The following TSPAN13 variants were observed in gnomAD, a reference collection of about 807,000 sequenced individuals.
TSPAN13 encodes the protein tetraspanin 13.
TSPAN13 carries 18 observed loss-of-function variants against 26.9 expected under a neutral mutation model. The ratio of observed to expected loss-of-function variants is 0.67; its 90% CI spans 0.46 to 0.99. The LOEUF is 0.99. Among genes scored for constraint, TSPAN13 ranks in the 50% least tolerant of loss-of-function variants. The probability of loss-of-function intolerance (pLI) is 0.00; values close to 1 mark genes in which losing one functional copy is unlikely to be tolerated. For missense variants in TSPAN13, 201 were observed against 249.6 expected (o/e 0.81, Z 1.31); for synonymous variants, 116 against 98.4 (o/e 1.18, Z -1.06).
rs1392265469 is a variant in TSPAN13, at chr7:16,784,142, T to C, written c.*651T>C. 1 of 152,658 alleles carries C rather than the reference T, an allele frequency of 6.6e-6. No individual in the cohort carries two copies. The allele number at this position is 152,658 out of a possible 1,614,324, so 9.5% of individuals were successfully genotyped here. On this transcript the variant is annotated 3_prime_UTR_variant, in exon 6 of 6. Coordinates refer to ENST00000262067, the MANE Select transcript of TSPAN13 (RefSeq NM_014399.4). ...GGAGAAGTGGTTTCATGAAATGTTCTAATGTATAATAACATTTACCTTCAG... is the reference window on the plus strand; with the variant it reads ...GGAGAAGTGGTTTCATGAAATGTTCCAATGTATAATAACATTTACCTTCAG...
chr7:16,761,253 G>A (rs953257946), intron 1 of TSPAN13, among the ~76,000 whole-genome samples: 2 of 152,178 alleles, frequency 1.3e-5, no homozygotes, highest in African/African-American at 4.8e-5. Context: ...GGCCTTCTGT[G>A]TCATTTGAAG....
At chr7:16,760,348 T>G (rs922954827) in intron 1 of TSPAN13, among the ~76,000 whole-genome samples, 2 of 152,246 alleles carry the variant, frequency 1.3e-5, no homozygotes, top group South Asian at 4.1e-4. Context: ...AAATAGATTC[T>G]GAGAGTGTTT....
intron 1 of TSPAN13, among the ~76,000 whole-genome samples, chr7:16,754,559 C>T (rs1784461084): frequency 6.6e-6 from 1 of 152,182 alleles, no homozygotes; most frequent in African/African-American, 2.4e-5. Flanking sequence ...ACAGGATGTC[C>T]GCTGCTTCCG....
chr7:16,779,052 G>A lies in TSPAN13; in HGVS notation c.476G>A (p.Gly159Glu). 3 of 1,614,166 alleles carry A rather than the reference G, an allele frequency of 1.9e-6. No individual in the cohort carries two copies. The highest frequency in any genetic ancestry group is 2.5e-6 in the Non-Finnish European group (3 of 1,180,010). ...HSCSPCAPIIGEYAGEVLRFV... is the reference protein window; with the variant it reads ...HSCSPCAPIIEEYAGEVLRFV... ...TGCTCGCCATGTGCTCCAATCATAGGAGAATATGCTGGAGAGGTTTTGAGA... is the reference window on the plus strand; with the variant it reads ...TGCTCGCCATGTGCTCCAATCATAGAAGAATATGCTGGAGAGGTTTTGAGA... The change falls in exon 5 of 6, where the codon GGA becomes GAA. Residue 159 changes from glycine (G) to glutamate (E), a missense_variant. Coordinates refer to ENST00000262067, the MANE Select transcript of TSPAN13 (RefSeq NM_014399.4).
rs1359878764 is a variant in TSPAN13 at position 16,777,141 on chromosome 7, CT to C, written c.312+21del. ...GCAACAGGTAAGCTAAGACTTTTTT[CT>C]TCTACTTTATTATACCACATAGCAT... On this transcript the variant is annotated intron_variant, in intron 3 of 5. Transcript: ENST00000262067. 1 of 1,577,242 alleles carries C rather than the reference CT, an allele frequency of 6.3e-7. No homozygotes were observed. The highest frequency in any genetic ancestry group is 8.7e-7 in the Non-Finnish European group (1 of 1,147,524).
intron 1 of TSPAN13, among the ~76,000 whole-genome samples, chr7:16,767,630 T>C (rs1400524060): frequency 1.3e-5 from 2 of 152,208 alleles, no homozygotes; most frequent in Admixed American, 6.5e-5. Context: ...TAATTTGTTA[T>C]ATAAAGTAGC....
intron 5 of TSPAN13, among the ~76,000 whole-genome samples, chr7:16,782,428 C>G (rs562226568): frequency 2.0e-5 from 3 of 152,072 alleles, no homozygotes; most frequent in Non-Finnish European, 2.9e-5. Flanking sequence ...AGTTGGCACA[C>G]GTATAAAGTG....
At chr7:16,772,496 G>A (rs1784691801) in intron 1 of TSPAN13, among the ~76,000 whole-genome samples, 1 of 152,104 alleles carries the variant, frequency 6.6e-6, no homozygotes, top group African/African-American at 2.4e-5. Context: ...TCCATTTTCT[G>A]GTGGCTGCTG....
At chr7:16,773,163 T>C (rs1784700414) in intron 1 of TSPAN13, among the ~76,000 whole-genome samples, 1 of 145,642 alleles carries the variant, frequency 6.9e-6, no homozygotes, top group African/African-American at 2.7e-5. Flanking sequence ...ATAAAAAATC[T>C]TGGGGGGGGG....
At chr7:16,782,518 T>C (rs1784824574) in intron 5 of TSPAN13, among the ~76,000 whole-genome samples, 1 of 152,234 alleles carries the variant, frequency 6.6e-6, no homozygotes, top group Non-Finnish European at 1.5e-5. Flanking sequence ...TTTTCATTTA[T>C]TTAAAATAAA....
intron 1 of TSPAN13, among the ~76,000 whole-genome samples, chr7:16,771,871 G>A (rs539269350): frequency 2.4e-4 from 36 of 152,262 alleles, no homozygotes; most frequent in South Asian, 2.1e-4. Context: ...GAATCAACTT[G>A]GTGAGGAATG....
intron 1 of TSPAN13, among the ~76,000 whole-genome samples, chr7:16,765,881 C>G (rs961798853): frequency 3.3e-5 from 5 of 152,098 alleles, no homozygotes; most frequent in African/African-American, 2.4e-5. Flanking sequence ...AGTGACAAAC[C>G]TAGGCTTTTT....
intron 1 of TSPAN13, among the ~76,000 whole-genome samples, chr7:16,772,500 GCTGCTGGCATT>G (rs994212183): frequency 7.2e-5 from 11 of 152,280 alleles, no homozygotes; most frequent in African/African-American, 2.6e-4. Context: ...TTTTCTGGTG[GCTGCTGGCATT>G]CCTTGTGGCT....
chr7:16,768,564 G>A (rs1162172094), intron 1 of TSPAN13, among the ~76,000 whole-genome samples: 1 of 152,148 alleles, frequency 6.6e-6, no homozygotes, highest in African/African-American at 2.4e-5. Flanking sequence ...CAGAGTAAAT[G>A]CCATGTCAGT....
chr7:16,758,406 T>C (rs2115320669), intron 1 of TSPAN13, among the ~76,000 whole-genome samples: 1 of 152,300 alleles, frequency 6.6e-6, no homozygotes, highest in East Asian at 1.9e-4. Flanking sequence ...AGTCGTCCCC[T>C]CATGAAGCTG....
intron 5 of TSPAN13, among the ~76,000 whole-genome samples, chr7:16,780,424 T>G (rs952510111): frequency 6.6e-6 from 1 of 152,148 alleles, no homozygotes; most frequent in African/African-American, 2.4e-5. Flanking sequence ...TTAAAGTTCC[T>G]TCTGACTTCC....
intron 1 of TSPAN13, among the ~76,000 whole-genome samples, chr7:16,755,090 C>T (rs976210882): frequency 1.3e-5 from 2 of 152,138 alleles, no homozygotes. Context: ...GTCATCATCC[C>T]TCCATAGTAG....
Position 16,768,015 on chromosome 7 carries a change from C to T in TSPAN13, c.64-8196C>T, listed in dbSNP as rs139622201. ...GCAACCTCCTCCTCCCAGGTTCAAG[C>T]GATTCTCCTGCCTCAGCCTCCCGAG... On this transcript the variant is annotated intron_variant, in intron 1 of 5. Transcript: ENST00000262067. Among the ~76,000 whole-genome samples, 879 of 152,262 alleles carry T rather than the reference C, an allele frequency of 5.8e-3. 5 individuals are homozygous for T. The highest frequency in any genetic ancestry group is 0.02 in the African/African-American group (834 of 41,532).
chr7:16,774,549 G>GGA (rs1375019285), intron 1 of TSPAN13, among the ~76,000 whole-genome samples: 5 of 152,212 alleles, frequency 3.3e-5, no homozygotes, highest in African/African-American at 1.2e-4. Flanking sequence ...AAGGGGCAGA[G>GGA]GACTTTTTCT....
Sources: allele counts gnomAD v4.1 joint callset (sites outside exome capture counted in the v4.1 genomes callset), GRCh38; gene constraint gnomAD v4.1.1; transcripts MANE v1.5; gene names NCBI Gene and HGNC (gene_info 2026-07-23, HGNC 2026-07-21).